The following TENM2 variants were observed in gnomAD, a reference collection of about 807,000 sequenced individuals.
The protein encoded by TENM2 is teneurin transmembrane protein 2.
A neutral mutation model predicts 245.2 loss-of-function variants in TENM2; 52 were observed. The ratio of observed to expected loss-of-function variants is 0.21; its 90% CI spans 0.17 to 0.27. TENM2 has a LOEUF of 0.27. TENM2 is among the 10% of genes least tolerant of loss of function. TENM2 has a pLI of 1.00. For missense variants in TENM2, 3,046 were observed against 3,666.8 expected (o/e 0.83, Z 4.37); for synonymous variants, 1,363 against 1,438.9 (o/e 0.95, Z 1.19).
At chr5:167,759,256 G>A (rs1000205632) in intron 2 of TENM2, among the ~76,000 whole-genome samples, 10 of 151,244 alleles carry the variant, frequency 6.6e-5, no homozygotes, top group African/African-American at 2.4e-4. Flanking sequence ...TAACAATAAG[G>A]CTATTGTGGA....
At chr5:167,070,425 A>G in the TENM2 span, among the ~76,000 whole-genome samples, 1 of 151,608 alleles carries the variant, frequency 6.6e-6, no homozygotes, top group African/African-American at 2.4e-5. Context: ...CACTGCGCCC[A>G]GCCTCATTTG....
At chr5:168,229,033 C>T (rs1269056747) in intron 25 of TENM2, among the ~76,000 whole-genome samples, 1 of 147,268 alleles carries the variant, frequency 6.8e-6, no homozygotes, top group Non-Finnish European at 1.5e-5. Flanking sequence ...ATATACATTA[C>T]ATTATATATA....
intron 25 of TENM2, among the ~76,000 whole-genome samples, chr5:168,239,792 T>A (rs931160006): frequency 5.3e-5 from 8 of 152,352 alleles, no homozygotes. Flanking sequence ...TACACACATA[T>A]GATTATATTA....
At chr5:168,194,297 T>G (rs552181294) in intron 14 of TENM2, among the ~76,000 whole-genome samples, 1 of 152,302 alleles carries the variant, frequency 6.6e-6, no homozygotes, top group African/African-American at 2.4e-5. Context: ...AGAGGAGGCA[T>G]GCACATTCTC....
At chr5:167,530,899 T>C (rs946665147) in intron 2 of TENM2, among the ~76,000 whole-genome samples, 1 of 152,162 alleles carries the variant, frequency 6.6e-6, no homozygotes, top group Admixed American at 6.5e-5. Context: ...AGGAGCAATC[T>C]AACTGCATTA....
intron 2 of TENM2, among the ~76,000 whole-genome samples, chr5:167,712,606 G>T (rs1282093700): frequency 2.0e-5 from 3 of 152,074 alleles, no homozygotes; most frequent in African/African-American, 7.2e-5. Flanking sequence ...TTCTTTCTTA[G>T]TTTAGAAATT....
At chr5:168,200,740 T>C (rs1271434772) in intron 17 of TENM2, among the ~76,000 whole-genome samples, 5 of 152,180 alleles carry the variant, frequency 3.3e-5, no homozygotes, top group Non-Finnish European at 7.4e-5. Flanking sequence ...GGAATCACGA[T>C]TCCCTCCTTA....
chr5:167,813,082 G>T (rs1193153805), intron 2 of TENM2, among the ~76,000 whole-genome samples: 2 of 152,142 alleles, frequency 1.3e-5, no homozygotes, highest in African/African-American at 2.4e-5. Flanking sequence ...GAAATACAAA[G>T]GTTTGTATCC....
the TENM2 span, among the ~76,000 whole-genome samples, chr5:167,127,050 A>G: frequency 6.6e-6 from 1 of 151,770 alleles, no homozygotes; most frequent in Non-Finnish European, 1.5e-5. Context: ...CTTGAAAACC[A>G]TACTAGAACC....
chr5:166,992,690 T>A, the TENM2 span, among the ~76,000 whole-genome samples: 4 of 152,156 alleles, frequency 2.6e-5, no homozygotes, highest in African/African-American at 9.7e-5. Context: ...CTCTCCAAAT[T>A]CTTTGAAGAA....
At chr5:167,132,770 A>G in the TENM2 span, among the ~76,000 whole-genome samples, 1 of 152,268 alleles carries the variant, frequency 6.6e-6, no homozygotes, top group Non-Finnish European at 1.5e-5. Context: ...GGAGATATTT[A>G]TGGAACAGAA....
At chr5:167,411,197 G>C (rs1042287754) in intron 2 of TENM2, among the ~76,000 whole-genome samples, 1 of 152,068 alleles carries the variant, frequency 6.6e-6, no homozygotes, top group Non-Finnish European at 1.5e-5. Context: ...ATAGGAAACT[G>C]TGATGAGGTA....
chr5:167,706,201 A>G (rs1758510215), intron 2 of TENM2, among the ~76,000 whole-genome samples: 2 of 146,142 alleles, frequency 1.4e-5, no homozygotes, highest in Non-Finnish European at 3.0e-5. Flanking sequence ...CATATACTAT[A>G]TAATTATATA....
chr5:167,625,658 A>C (rs904087674), intron 2 of TENM2, among the ~76,000 whole-genome samples: 4 of 152,198 alleles, frequency 2.6e-5, no homozygotes, highest in African/African-American at 9.6e-5. Context: ...CCAAAACTTC[A>C]TGGTTTAAAA....
chr5:167,478,319 A>G (rs1767530513), intron 2 of TENM2, among the ~76,000 whole-genome samples: 1 of 152,192 alleles, frequency 6.6e-6, no homozygotes, highest in South Asian at 2.1e-4. Flanking sequence ...TCATTGTGAT[A>G]AAACTGCTAA....
the TENM2 span, among the ~76,000 whole-genome samples, chr5:167,096,133 T>C: frequency 3.9e-4 from 59 of 152,238 alleles, 1 homozygote; most frequent in East Asian, 0.011. Context: ...AATTGGAAAA[T>C]AGTAATTATA....
At chr5:167,635,738 G>T (rs193282774) in intron 2 of TENM2, among the ~76,000 whole-genome samples, 1 of 140,728 alleles carries the variant, frequency 7.1e-6, no homozygotes, top group African/African-American at 2.6e-5. Context: ...TCCGCCTCCC[G>T]GGTTCACGCC....
chr5:167,768,761 G>T (rs1763208164), intron 2 of TENM2, among the ~76,000 whole-genome samples: 1 of 152,288 alleles, frequency 6.6e-6, no homozygotes, highest in African/African-American at 2.4e-5. Context: ...TGAGATTCTT[G>T]TGATGATTAA....
rs1554154174 is a variant in TENM2 at position 167,445,336 on chromosome 5, T to TAG, written c.502+69896_502+69897dup. 2.5e-3 allele frequency among the ~76,000 whole-genome samples: 194 copies of TAG among 77,278 alleles called. 4 individuals carry two copies. Among genetic ancestry groups the TAG allele is most frequent in the African/African-American group, 6.6e-3 (119 of 18,010 alleles). The allele number at this position is 77,278 out of a possible 152,430, so 50.7% of individuals were successfully genotyped here. A position where few individuals can be genotyped will look rare whatever the true frequency, so the allele number is the denominator to read the frequency against. The stretch of plus-strand genomic sequence containing the variant: ...TTATATATATATATATATATATATA[T>TAG]AGAGAGAGAGAGAGAGAGAGAGAGA... On this transcript the variant is annotated intron_variant, in intron 2 of 28. Transcript: ENST00000518659.
Sources: allele counts gnomAD v4.1 joint callset (sites outside exome capture counted in the v4.1 genomes callset), GRCh38; gene constraint gnomAD v4.1.1; transcripts MANE v1.5; gene names NCBI Gene and HGNC (gene_info 2026-07-23, HGNC 2026-07-21).